Variants in SSPN observed in about 807,000 individuals in gnomAD.
The protein encoded by SSPN is K-ras oncogene-associated protein.
Under a neutral mutation model 19.1 loss-of-function variants are expected in SSPN, and 15 were observed. The observed-to-expected ratio is 0.78, with a 90% CI of 0.52 to 1.21. The LOEUF is 1.21. Ranked by LOEUF, SSPN falls within the 50% of genes most tolerant of loss-of-function variation. SSPN has a pLI of 0.00. For missense variants in SSPN, 291 were observed against 314.0 expected, an observed-to-expected ratio of 0.93 and a Z score of 0.55; for synonymous variants, 147 against 140.3, an observed-to-expected ratio of 1.05 and a Z score of -0.34.
intron 1 of SSPN, among the ~76,000 whole-genome samples, chr12:26,165,895 G>A (rs1944617799): frequency 6.6e-6 from 1 of 152,204 alleles, no homozygotes; most frequent in Admixed American, 6.5e-5. Flanking sequence ...AAGGTTAGAT[G>A]AAGAAATTCT....
intron 1 of SSPN, among the ~76,000 whole-genome samples, chr12:26,201,039 ATATATATT>A (rs1944878288): frequency 3.5e-5 from 2 of 57,482 alleles, no homozygotes; most frequent in Non-Finnish European, 6.3e-5. Context: ...ATATATATAT[ATATATATT>A]ATATATATAT....
chr12:26,175,816 C>T lies in SSPN; in HGVS notation c.-30-48477C>T, dbSNP rs183643525. On this transcript the variant is annotated intron_variant, in intron 1 of 2. Transcript: ENST00000538142. ...TGGGCTTAAAAAGCAAATTCAATTC[C>T]GAGTATAAAAAATTTATTTTGAGTT... is the stretch of plus-strand genomic sequence containing the variant. Among the ~76,000 whole-genome samples the T allele has an allele frequency of 6.2e-5, 9 of 146,204 alleles. No individual in the cohort carries two copies. The East Asian group carries it at 1.4e-3, about 23-fold the overall frequency.
chr12:26,187,767 G>T (rs1441792613), intron 1 of SSPN, among the ~76,000 whole-genome samples: 2 of 152,180 alleles, frequency 1.3e-5, no homozygotes, highest in Non-Finnish European at 2.9e-5. Context: ...AGGTGTGAGT[G>T]CAGAGAGTGG....
chr12:26,208,777 T>C (rs1338309538), intron 1 of SSPN, among the ~76,000 whole-genome samples: 1 of 152,166 alleles, frequency 6.6e-6, no homozygotes, highest in African/African-American at 2.4e-5. Flanking sequence ...TTTTCTCACA[T>C]GGATTGATAA....
At chr12:26,134,985 T>G (rs1944417126) in intron 1 of SSPN, 1 of 152,324 alleles carries the variant, frequency 6.6e-6, no homozygotes, top group African/African-American at 2.4e-5. Flanking sequence ...AGGATTGATG[T>G]GCTCGGTGCC....
chr12:26,198,245 C>G lies in SSPN; in HGVS notation c.279+2294C>G, dbSNP rs535106368. On this transcript the variant is annotated intron_variant, in intron 1 of 2. Transcript: ENST00000242729. The stretch of plus-strand genomic sequence containing the variant: ...GTGGCACGATTTTGGTTCACTGCAA[C>G]CTCCCCCTCCCAGGTTCAAGACGTT... Among the ~76,000 whole-genome samples, 6 of 152,186 alleles carry G rather than the reference C, an allele frequency of 3.9e-5. No homozygotes were observed. The South Asian group carries it at 1.2e-3, about 32-fold the overall frequency.
intron 2 of SSPN, among the ~76,000 whole-genome samples, chr12:26,224,721 TG>T (rs1269007614): frequency 6.6e-6 from 1 of 151,730 alleles, no homozygotes. Context: ...GGGGGTTATT[TG>T]GGATATTTTA....
intron 1 of SSPN, among the ~76,000 whole-genome samples, chr12:26,130,444 AAAC>A (rs1174146039): frequency 2.0e-5 from 3 of 152,358 alleles, no homozygotes; most frequent in East Asian, 1.9e-4. Flanking sequence ...TACTTTAAAA[AAAC>A]AACAACAGAA....
intron 1 of SSPN, chr12:26,126,723 G>A (rs537137562): frequency 1.1e-3 from 165 of 152,558 alleles, no homozygotes; most frequent in African/African-American, 3.6e-3. Flanking sequence ...CGTGACTCGG[G>A]CGGCGGCGGC....
At chr12:26,159,137 T>C (rs985789167) in intron 1 of SSPN, among the ~76,000 whole-genome samples, 2 of 151,670 alleles carry the variant, frequency 1.3e-5, no homozygotes, top group Admixed American at 6.6e-5. Flanking sequence ...GGAGAGGAGG[T>C]GGAGCTGCCT....
chr12:26,158,800 G>T (rs1944570756), intron 1 of SSPN, among the ~76,000 whole-genome samples: 1 of 152,248 alleles, frequency 6.6e-6, no homozygotes, highest in Non-Finnish European at 1.5e-5. Context: ...GCAAGGTGTT[G>T]TGAGTCTCAG....
At chr12:26,171,472 G>T (rs1944653140) in intron 1 of SSPN, among the ~76,000 whole-genome samples, 1 of 152,094 alleles carries the variant, frequency 6.6e-6, no homozygotes, top group South Asian at 2.1e-4. Context: ...AAAATTGTTT[G>T]CCCTTTTTAA....
intron 1 of SSPN, chr12:26,123,097 T>G (rs540129274): frequency 6.2e-7 from 1 of 1,607,998 alleles, no homozygotes; most frequent in South Asian, 1.1e-5. Context: ...AAGACTTCTT[T>G]GGCGCATGTT....
At chr12:26,165,399 G>A (rs1423862679) in intron 1 of SSPN, among the ~76,000 whole-genome samples, 9 of 152,306 alleles carry the variant, frequency 5.9e-5, no homozygotes, top group East Asian at 3.9e-4. Context: ...TTAATGCACC[G>A]TGTTTTAACT....
rs1945257036 is a variant in SSPN at position 26,233,453 on chromosome 12, TAAAC to T, written c.*2381_*2384del. 6.6e-6 allele frequency: 1 copy of T among 151,816 alleles called. No individual in the cohort carries two copies. The highest frequency in any genetic ancestry group is 3.2e-3 in the Middle Eastern group (1 of 316). The allele number at this position is 151,816 out of a possible 1,614,324, so 9.4% of individuals were successfully genotyped here. Reference sequence around the variant, plus strand: ...TTAAGTCCCCAAGGAAAAAAAATCATAAACAAATAGAAAGAACTAAACAGAAAAG... The same window carrying T: ...TTAAGTCCCCAAGGAAAAAAAATCATAAATAGAAAGAACTAAACAGAAAAG... On this transcript the variant is annotated 3_prime_UTR_variant, in exon 3 of 3. Transcript: ENST00000242729. This position sits in a 1 kb window ranked among gnomAD's most constrained non-coding sequence, Gnocchi z 4.3.
intron 2 of SSPN, among the ~76,000 whole-genome samples, chr12:26,228,469 T>C (rs1199961299): frequency 6.6e-6 from 1 of 152,012 alleles, no homozygotes; most frequent in Non-Finnish European, 1.5e-5. Flanking sequence ...CCATCCATTG[T>C]TGGTGATAAA....
chr12:26,136,104 C>T (rs1385906612), intron 1 of SSPN, among the ~76,000 whole-genome samples: 1 of 152,172 alleles, frequency 6.6e-6, no homozygotes, highest in African/African-American at 2.4e-5. Flanking sequence ...TGTCATTATT[C>T]TCTAAACAAT....
intron 1 of SSPN, among the ~76,000 whole-genome samples, chr12:26,161,565 TTTAC>T (rs1944589082): frequency 1.3e-5 from 2 of 152,210 alleles, no homozygotes; most frequent in Admixed American, 6.5e-5. Context: ...TGCTTTATGA[TTTAC>T]TTATTTATTA....
At chr12:26,210,565 T>C (rs1489882373) in intron 1 of SSPN, among the ~76,000 whole-genome samples, 2 of 152,062 alleles carry the variant, frequency 1.3e-5, no homozygotes, top group Non-Finnish European at 2.9e-5. Context: ...TTTATTGAAA[T>C]AGCCAGGTTT....
Sources: allele counts gnomAD v4.1 joint callset (sites outside exome capture counted in the v4.1 genomes callset), GRCh38; gene constraint gnomAD v4.1.1; non-coding constraint Gnocchi (gnomAD v3.1); transcripts MANE v1.5; gene names NCBI Gene and HGNC (gene_info 2026-07-23, HGNC 2026-07-21).